Variants in MCC observed in about 807,000 individuals in gnomAD.
MCC encodes colorectal mutant cancer protein.
A neutral mutation model predicts 116.2 loss-of-function variants in MCC; 90 were observed. The ratio of observed to expected loss-of-function variants is 0.77; its 90% CI spans 0.65 to 0.92. The LOEUF is 0.92. MCC is among the 40% of genes least tolerant of loss of function. The pLI, the probability that MCC is intolerant of heterozygous loss-of-function variation, is 0.00. For synonymous variants in MCC, 578 were observed against 510.5 expected, an observed-to-expected ratio of 1.13 and a Z score of -1.78; for missense variants, 1,516 against 1,312.2, an observed-to-expected ratio of 1.16 and a Z score of -2.40.
At chr5:113,161,331 C>T (rs900531214) in intron 3 of MCC, among the ~76,000 whole-genome samples, 5 of 152,138 alleles carry the variant, frequency 3.3e-5, no homozygotes, top group African/African-American at 1.2e-4. Flanking sequence ...TGATGTGATT[C>T]CCCAGGCGGA....
intron 1 of MCC, among the ~76,000 whole-genome samples, chr5:113,410,924 T>C (rs9800316): frequency 0.17 from 26,120 of 152,138 alleles, 2,623 homozygotes; most frequent in Admixed American, 0.31. Flanking sequence ...TGTCCCTGCA[T>C]AGGACATGAA....
At chr5:113,189,738 TGA>T (rs1561441914) in intron 3 of MCC, among the ~76,000 whole-genome samples, 1 of 152,194 alleles carries the variant, frequency 6.6e-6, no homozygotes, top group African/African-American at 2.4e-5. Flanking sequence ...GTTTAACCTT[TGA>T]AAAAGGAAGT....
intron 3 of MCC, among the ~76,000 whole-genome samples, chr5:113,155,268 G>C (rs1562017): frequency 0.95 from 144,411 of 152,294 alleles, 68,504 homozygotes; most frequent in South Asian, 0.96. Context: ...ACCACACTCT[G>C]TATATCCATT....
At chr5:113,113,776 G>A (rs988771372) in intron 6 of MCC, among the ~76,000 whole-genome samples, 3 of 151,506 alleles carry the variant, frequency 2.0e-5, no homozygotes, top group Non-Finnish European at 4.4e-5. Flanking sequence ...AAATGGCAAT[G>A]TCACAAGAGA....
intron 3 of MCC, among the ~76,000 whole-genome samples, chr5:113,259,799 C>A (rs150012907): frequency 3.0e-4 from 46 of 152,088 alleles, no homozygotes; most frequent in African/African-American, 8.9e-4. Context: ...ATCACACACA[C>A]AAAAAATTTG....
chr5:113,091,582 C>T (rs1053247998), intron 8 of MCC, among the ~76,000 whole-genome samples: 2 of 152,170 alleles, frequency 1.3e-5, no homozygotes, highest in South Asian at 4.1e-4. Flanking sequence ...GACACCAAAT[C>T]TTAAAAGCCT....
chr5:113,410,760 C>A (rs1420633096), intron 1 of MCC, among the ~76,000 whole-genome samples: 1 of 152,202 alleles, frequency 6.6e-6, no homozygotes, highest in Non-Finnish European at 1.5e-5. Flanking sequence ...TCCCCCAACG[C>A]TCCACCCTAC....
At chr5:113,451,725 A>AGAAG (rs1002480833) in intron 1 of MCC, among the ~76,000 whole-genome samples, 15 of 152,230 alleles carry the variant, frequency 9.9e-5, no homozygotes, top group Admixed American at 4.6e-4. Flanking sequence ...TCTCAAAAAA[A>AGAAG]GAAGGAAGGA....
At chr5:113,056,736 A>G (rs1471724237) in intron 14 of MCC, among the ~76,000 whole-genome samples, 1 of 152,198 alleles carries the variant, frequency 6.6e-6, no homozygotes, top group East Asian at 1.9e-4. Context: ...AAAAGTAAAA[A>G]AAAAATAGAA....
At chr5:113,408,599 C>A (rs1356227266) in intron 1 of MCC, among the ~76,000 whole-genome samples, 1 of 152,154 alleles carries the variant, frequency 6.6e-6, no homozygotes, top group Non-Finnish European at 1.5e-5. Context: ...ATCAGCATGA[C>A]CTGGGAACTG....
intron 5 of MCC, 47 bp from the exon 6 acceptor site, chr5:113,122,873 A>T: frequency 1.3e-6 from 2 of 1,585,052 alleles, no homozygotes; most frequent in Non-Finnish European, 1.7e-6. Flanking sequence ...GATATAAGAC[A>T]ACCCCCTAGA....
At chr5:113,176,680 C>A (rs1761351299) in intron 3 of MCC, among the ~76,000 whole-genome samples, 1 of 152,268 alleles carries the variant, frequency 6.6e-6, no homozygotes, top group East Asian at 1.9e-4. Context: ...TGAACTGTCA[C>A]CCAGTTCAAT....
chr5:113,112,220 G>T (rs1757140447), intron 6 of MCC, among the ~76,000 whole-genome samples: 2 of 152,150 alleles, frequency 1.3e-5, no homozygotes, highest in Admixed American at 1.3e-4. Context: ...TCCATGCTGG[G>T]TCTTTATTAA....
At chr5:113,070,982 T>A in intron 12 of MCC, 112 bp downstream of exon 12, 2 of 1,275,578 alleles carry the variant, frequency 1.6e-6, no homozygotes, top group East Asian at 4.8e-5. Flanking sequence ...TATGCCTTGG[T>A]CCAAACTGCC....
chr5:113,095,910 G>A (rs988289312), intron 8 of MCC, among the ~76,000 whole-genome samples: 5 of 152,300 alleles, frequency 3.3e-5, no homozygotes, highest in Admixed American at 6.5e-5. Flanking sequence ...TACTGAGCTT[G>A]CACTGGTAAG....
intron 3 of MCC, among the ~76,000 whole-genome samples, chr5:113,159,180 G>A (rs779484749): frequency 1.1e-4 from 16 of 152,114 alleles, no homozygotes; most frequent in South Asian, 2.1e-4. Flanking sequence ...GGTTTGTATC[G>A]GATTACCTCT....
chr5:113,312,371 G>A (rs1267204198), intron 3 of MCC, among the ~76,000 whole-genome samples: 1 of 152,170 alleles, frequency 6.6e-6, no homozygotes, highest in Non-Finnish European at 1.5e-5. Flanking sequence ...AGACTGGTGG[G>A]GAGTGAGGTT....
At chr5:113,175,725 A>T (rs1372012596) in intron 3 of MCC, among the ~76,000 whole-genome samples, 1 of 152,148 alleles carries the variant, frequency 6.6e-6, no homozygotes, top group Non-Finnish European at 1.5e-5. Context: ...CAACCACATA[A>T]TATTCCTTAT....
chr5:113,348,662 G>A (rs975382294), intron 2 of MCC, among the ~76,000 whole-genome samples: 1 of 151,804 alleles, frequency 6.6e-6, no homozygotes, highest in Admixed American at 6.6e-5. Context: ...AGAAAAGTAA[G>A]AGCAAATCAA....
Sources: allele counts gnomAD v4.1 joint callset (sites outside exome capture counted in the v4.1 genomes callset), GRCh38; gene constraint gnomAD v4.1.1; transcripts MANE v1.5; gene names NCBI Gene and HGNC (gene_info 2026-07-23, HGNC 2026-07-21).